Variants in EBF1 observed in about 807,000 individuals in gnomAD.
EBF1 encodes the protein EBF transcription factor 1, also known as transcription factor COE1.
EBF1 carries 10 observed loss-of-function variants against 68.4 expected under a neutral mutation model. The ratio of observed to expected loss-of-function variants is 0.15; its 90% confidence interval spans 0.09 to 0.25. The LOEUF is 0.25. Ranked by LOEUF, EBF1 falls within the 10% of genes least tolerant of loss-of-function variation. The pLI is 1.00. For synonymous variants in EBF1, 298 were observed against 299.8 expected, an observed-to-expected ratio of 0.99 and a Z score of 0.06; for missense variants, 509 against 794.4, an observed-to-expected ratio of 0.64 and a Z score of 4.32.
At chr5:159,012,819 G>C (rs1446935810) in intron 6 of EBF1, among the ~76,000 whole-genome samples, 1 of 152,170 alleles carries the variant, frequency 6.6e-6, no homozygotes, top group Non-Finnish European at 1.5e-5. Flanking sequence ...GGTCTTTAAA[G>C]AGGTCATTAA....
intron 7 of EBF1, among the ~76,000 whole-genome samples, chr5:158,825,957 G>A (rs2127880198): frequency 6.6e-6 from 1 of 151,890 alleles, no homozygotes; most frequent in African/African-American, 2.4e-5. Flanking sequence ...ATGCAAAAGG[G>A]GTACTGAAGT....
At chr5:158,833,976 T>C (rs973977653) in intron 7 of EBF1, among the ~76,000 whole-genome samples, 2 of 152,254 alleles carry the variant, frequency 1.3e-5, no homozygotes, top group Non-Finnish European at 2.9e-5. Flanking sequence ...GTCTTCTATT[T>C]ACATTCATAT....
intron 7 of EBF1, among the ~76,000 whole-genome samples, chr5:158,824,402 T>G (rs373499220): frequency 6.6e-6 from 1 of 152,200 alleles, no homozygotes; most frequent in East Asian, 1.9e-4. Context: ...GCAGATTAAT[T>G]TAATTAGAAT....
chr5:158,953,915 G>C (rs903728506), intron 6 of EBF1, among the ~76,000 whole-genome samples: 1 of 152,110 alleles, frequency 6.6e-6, no homozygotes, highest in Admixed American at 6.5e-5. Flanking sequence ...TCCATAATTA[G>C]GGGAAAAATA....
At chr5:158,956,027 AATGTGT>A (rs1439242162) in intron 6 of EBF1, among the ~76,000 whole-genome samples, 11 of 100,258 alleles carry the variant, frequency 1.1e-4, no homozygotes, top group South Asian at 7.9e-4. Context: ...AATAAATATA[AATGTGT>A]GTGTGTGTGT....
intron 6 of EBF1, among the ~76,000 whole-genome samples, chr5:158,844,905 A>G (rs368762881): frequency 3.9e-5 from 6 of 152,358 alleles, no homozygotes; most frequent in African/African-American, 1.4e-4. Context: ...ACATACCTGT[A>G]TCACCTTTTA....
intron 6 of EBF1, among the ~76,000 whole-genome samples, chr5:158,987,720 CAACT>C (rs1049699997): frequency 4.3e-4 from 65 of 152,254 alleles, no homozygotes; most frequent in African/African-American, 1.5e-3. Flanking sequence ...GATCACAACA[CAACT>C]AACTGCCCAG....
chr5:158,757,079 C>A (rs983394086), intron 10 of EBF1, among the ~76,000 whole-genome samples: 2 of 151,854 alleles, frequency 1.3e-5, no homozygotes, highest in Non-Finnish European at 2.9e-5. Flanking sequence ...TAAATTGGAA[C>A]AATGCTTTGC....
intron 6 of EBF1, among the ~76,000 whole-genome samples, chr5:158,932,856 C>T (rs1811179237): frequency 6.6e-6 from 1 of 152,134 alleles, no homozygotes; most frequent in South Asian, 2.1e-4. Flanking sequence ...TATAAAGTTG[C>T]CTGTAGATTC....
At chr5:158,942,375 C>T (rs1055970678) in intron 6 of EBF1, among the ~76,000 whole-genome samples, 1 of 152,204 alleles carries the variant, frequency 6.6e-6, no homozygotes, top group Non-Finnish European at 1.5e-5. Flanking sequence ...ATCATGTAAC[C>T]TTGGGCAAGT....
At chr5:158,835,715 G>A (rs543535938) in intron 7 of EBF1, among the ~76,000 whole-genome samples, 1 of 152,208 alleles carries the variant, frequency 6.6e-6, no homozygotes, top group African/African-American at 2.4e-5. Flanking sequence ...GAAAATATCT[G>A]AGTCAGACTG....
At chr5:158,905,541 C>T (rs967999014) in intron 6 of EBF1, among the ~76,000 whole-genome samples, 6 of 152,100 alleles carry the variant, frequency 3.9e-5, no homozygotes, top group East Asian at 1.9e-4. Context: ...GAAATCTTGG[C>T]GTGTGTCATA....
At chr5:158,731,619 G>T (rs1199968818) in intron 10 of EBF1, among the ~76,000 whole-genome samples, 2 of 152,150 alleles carry the variant, frequency 1.3e-5, no homozygotes, top group African/African-American at 4.8e-5. Flanking sequence ...GCACAAATAA[G>T]CATGCAAGAG....
intron 11 of EBF1, among the ~76,000 whole-genome samples, chr5:158,721,348 G>A (rs183526104): frequency 2.0e-5 from 3 of 152,208 alleles, no homozygotes; most frequent in East Asian, 1.9e-4. Flanking sequence ...ATCAACGTAA[G>A]ACATACTAAC....
chr5:158,831,710 C>G (rs1787619273), intron 7 of EBF1, among the ~76,000 whole-genome samples: 2 of 152,004 alleles, frequency 1.3e-5, no homozygotes, highest in South Asian at 4.2e-4. Context: ...CCATGTTGGC[C>G]AGGCTGGTCT....
intron 6 of EBF1, among the ~76,000 whole-genome samples, chr5:158,882,846 C>T (rs527560578): frequency 2.6e-5 from 4 of 152,296 alleles, no homozygotes; most frequent in South Asian, 2.1e-4. Flanking sequence ...CACCCCAAGA[C>T]GGTGCAGAGC....
At chr5:159,011,617 A>G (rs574115988) in intron 6 of EBF1, among the ~76,000 whole-genome samples, 1 of 152,322 alleles carries the variant, frequency 6.6e-6, no homozygotes, top group South Asian at 2.1e-4. Context: ...CTATTTTGAG[A>G]AAACCTTTGT....
rs527775594 is a variant in EBF1 at position 158,850,983 on chromosome 5, C to T, written c.555-10873G>A. Among the ~76,000 whole-genome samples the T allele has an allele frequency of 8.3e-4, 126 of 151,488 alleles. 1 individual carries two copies. The highest frequency in any genetic ancestry group is 1.0e-3 in the Non-Finnish European group (70 of 67,906). ...GATGGTGCCAGCCTGGGTGACAGAGCGAGACTCCATCTCAAAAAAACAAGT... is the reference window on the plus strand; with the variant it reads ...GATGGTGCCAGCCTGGGTGACAGAGTGAGACTCCATCTCAAAAAAACAAGT... On this transcript the variant is annotated intron_variant, in intron 6 of 15. Transcript: ENST00000313708.
chr5:158,956,216 C>T (rs771368736), intron 6 of EBF1, among the ~76,000 whole-genome samples: 2 of 152,112 alleles, frequency 1.3e-5, no homozygotes, highest in Non-Finnish European at 2.9e-5. Flanking sequence ...TGGAGCGACA[C>T]GGTGTGTCAC....
Sources: gnomAD v4.1 joint callset for allele counts (sites outside exome capture counted in the v4.1 genomes callset) on GRCh38, gnomAD v4.1.1 for gene constraint, MANE v1.5 for transcripts, NCBI Gene and HGNC (gene_info 2026-07-23, HGNC 2026-07-21) for gene names.